Variants in CLIP1 observed in about 807,000 individuals in gnomAD.
The protein encoded by CLIP1 is CAP-Gly domain containing linker protein 1.
In CLIP1, 66 loss-of-function variants were observed where a neutral mutation model predicts 161.6. The observed-to-expected ratio is 0.41, with a 90% confidence interval of 0.33 to 0.50. The LOEUF is 0.50. Ranked by LOEUF, CLIP1 falls within the 20% of genes least tolerant of loss-of-function variation. The pLI is 0.27. For missense variants in CLIP1, 1,376 were observed against 1,702.0 expected, an observed-to-expected ratio of 0.81 and a Z score of 3.37; for synonymous variants, 598 against 626.2, an observed-to-expected ratio of 0.96 and a Z score of 0.67.
chr12:122,319,401 T>C, intron 17 of CLIP1, 53 bp from the exon 18 acceptor site: 2 of 1,358,556 alleles, frequency 1.5e-6, no homozygotes, highest in Non-Finnish European at 2.1e-6. Flanking sequence ...CCAACACCGT[T>C]AGGTGAGGAT....
intron 20 of CLIP1, among the ~76,000 whole-genome samples, chr12:122,305,354 C>T (rs1950826654): frequency 6.6e-6 from 1 of 152,132 alleles, no homozygotes; most frequent in African/African-American, 2.4e-5. Context: ...TCCCTTGAGC[C>T]CAGGAGGTTG....
intron 10 of CLIP1, 27 bp from the exon 11 acceptor site, chr12:122,341,724 A>C (rs1436465018): frequency 8.2e-7 from 1 of 1,225,658 alleles, no homozygotes; most frequent in Non-Finnish European, 1.1e-6. Context: ...AAAGAAAAAA[A>C]GATCATTTAA....
intron 17 of CLIP1, among the ~76,000 whole-genome samples, chr12:122,319,935 T>C (rs957371189): frequency 2.6e-5 from 4 of 152,122 alleles, no homozygotes; most frequent in Non-Finnish European, 4.4e-5. Flanking sequence ...AAAAGATGCA[T>C]ATGGAGACAA....
In CLIP1 at chr12:122,309,835, G is replaced by T; in HGVS notation, c.3521C>A (p.Ala1174Glu). ...AAAQKSQQLSALQEENVKLAE... is the reference protein window; with the variant it reads ...AAAQKSQQLSELQEENVKLAE... ...AAGTTTAACGTTCTCTTCTTGCAAC[G>T]CTGAAAGCTGCTGGGACTTCTGAGC... The change falls in exon 20 of 26, where the codon GCG becomes GAG. Residue 1174 changes from alanine (A) to glutamate (E), a missense_variant. Physicochemically the swap from Ala to Glu is moderately radical, Grantham distance 107. Coordinates refer to ENST00000620786, the MANE Select transcript of CLIP1 (RefSeq NM_001247997.2). The T allele has an allele frequency of 6.2e-7, 1 of 1,613,892 alleles. No individual in the cohort carries two copies. Among genetic ancestry groups the T allele is most frequent in the South Asian group, 1.1e-5 (1 of 91,070 alleles).
chr12:122,294,079 A>G (rs1025534815), intron 20 of CLIP1, among the ~76,000 whole-genome samples: 1 of 151,870 alleles, frequency 6.6e-6, no homozygotes, highest in Non-Finnish European at 1.5e-5. Flanking sequence ...CTGTAATCCC[A>G]GCACTTTGGG....
intron 1 of CLIP1, among the ~76,000 whole-genome samples, chr12:122,392,883 G>C (rs1482874344): frequency 6.6e-6 from 1 of 152,028 alleles, no homozygotes; most frequent in Non-Finnish European, 1.5e-5. Flanking sequence ...CCAGGCTCAA[G>C]CAATCCTCCT....
chr12:122,328,077 T>C lies in CLIP1; in HGVS notation c.3119A>G (p.His1040Arg), dbSNP rs1951776633. Residue 1040 changes from histidine (H) to arginine (R), a missense_variant, in exon 17 of 26, where the codon CAT (histidine) becomes CGT (arginine). By Grantham distance (29) the His-to-Arg change is conservative. This residue lies in a region of CLIP1 where 948 missense variants were observed against 1,134.8 expected (regional missense o/e 0.84). Transcript: ENST00000620786. ...ERATSETKTK[H>R]EEILQNLQKT... is the part of the protein sequence containing the mutation. ...CTGGAGGTTCTGTAGGATTTCTTCA[T>C]GCTTGGTTTTTGTCTCAGAAGTGGC... 6.2e-7 allele frequency: 1 copy of C among 1,614,158 alleles called. No homozygotes were observed. Among genetic ancestry groups the C allele is most frequent in the South Asian group, 1.1e-5 (1 of 91,084 alleles).
intron 19 of CLIP1, among the ~76,000 whole-genome samples, chr12:122,310,617 T>G (rs1951028714): frequency 6.6e-6 from 1 of 152,332 alleles, no homozygotes; most frequent in East Asian, 1.9e-4. Flanking sequence ...GTTCTTAAAA[T>G]AATCCAAAAC....
At chr12:122,397,932 G>A (rs1429450067) in intron 1 of CLIP1, among the ~76,000 whole-genome samples, 1 of 150,936 alleles carries the variant, frequency 6.6e-6, no homozygotes, top group Non-Finnish European at 1.5e-5. Context: ...TCCAGCCTGG[G>A]CAACAGAGTG....
chr12:122,297,335 G>A (rs1950514241), intron 20 of CLIP1, among the ~76,000 whole-genome samples: 1 of 152,066 alleles, frequency 6.6e-6, no homozygotes, highest in Non-Finnish European at 1.5e-5. Context: ...AAAACCACTT[G>A]AACAAAAAAT....
At chr12:122,341,780 T>C (rs1952519575) in intron 10 of CLIP1, 83 bp from the exon 11 acceptor site, 36 of 725,330 alleles carry the variant, frequency 5.0e-5, no homozygotes, top group African/African-American at 1.2e-4. Flanking sequence ...TTTTTTTTTT[T>C]TTTTTTTTTT....
intron 1 of CLIP1, chr12:122,400,341 CAAAA>C (rs539813745): frequency 7.1e-6 from 1 of 141,054 alleles, no homozygotes; most frequent in African/African-American, 2.6e-5. Flanking sequence ...GAAAAGTAAC[CAAAA>C]AAAAAAAAAT....
chr12:122,372,059 A>G (rs894092127), intron 3 of CLIP1, among the ~76,000 whole-genome samples: 1 of 152,086 alleles, frequency 6.6e-6, no homozygotes, highest in Admixed American at 6.5e-5. Flanking sequence ...AGGTGGGCGG[A>G]TCACTTGAGG....
rs969911120 is a variant in CLIP1 at position 122,279,350 on chromosome 12, T to C, written c.3648-205A>G. On this transcript the variant is annotated intron_variant, in intron 21 of 25. Coordinates refer to ENST00000620786, the MANE Select transcript of CLIP1 (RefSeq NM_001247997.2). This position sits in a 1 kb window ranked among gnomAD's most constrained non-coding sequence, Gnocchi z 4.5. ...TGTGAGGGGAGAAAAAGTTTACCTA[T>C]GCATAGACATGCCAGAGTCTGCATG... 6 of 350,638 alleles carry C rather than the reference T, an allele frequency of 1.7e-5. No homozygotes were observed. In the East Asian group the frequency reaches 2.9e-4, roughly 17 times the overall value. 21.7% of individuals were successfully genotyped at this position (350,638 alleles called of 1,614,324 possible). A position where few individuals can be genotyped will look rare whatever the true frequency, so the allele number is the denominator to read the frequency against.
Position 122,286,301 on chromosome 12 carries a change from G to A in CLIP1, c.3647+2188C>T, listed in dbSNP as rs191893337. ...TGGGAGGCTGAGGCAAGTGGATCAC[G>A]AGGTCAGGAGTTAGAGACAAGCCTG... On this transcript the variant is annotated intron_variant, in intron 21 of 25. Transcript: ENST00000620786. Among the ~76,000 whole-genome samples the A allele has an allele frequency of 2.0e-3, 309 of 151,848 alleles. 1 individual carries two copies. The highest frequency in any genetic ancestry group is 7.0e-3 in the African/African-American group (291 of 41,422).
chr12:122,333,164 A>G, intron 14 of CLIP1, 21 bp from the exon 15 acceptor site: 3 of 1,584,490 alleles, frequency 1.9e-6, no homozygotes, highest in Non-Finnish European at 2.6e-6. Flanking sequence ...AGAGAAAAAA[A>G]GAATAGCACG....
chr12:122,419,615 T>G (rs547442434), intron 1 of CLIP1, among the ~76,000 whole-genome samples: 1 of 151,942 alleles, frequency 6.6e-6, no homozygotes, highest in African/African-American at 2.4e-5. Flanking sequence ...ATCCACTGGC[T>G]TTCGAATCCC....
In CLIP1 at chr12:122,380,481, T is replaced by C. The variant is rs969160542; in HGVS notation, c.-29A>G. 30 of 1,473,360 alleles carry C rather than the reference T, an allele frequency of 2.0e-5. No individual in the cohort carries two copies. In the African/African-American group the frequency reaches 2.5e-4, roughly 12 times the overall value. 91.3% of individuals were successfully genotyped at this position (1,473,360 alleles called of 1,614,324 possible). ...CTTTGTATGTCAGAGCTGTTTCTCCTTTGCCTGTTGCCACTATCTTTCCCC... is the reference window on the plus strand; with the variant it reads ...CTTTGTATGTCAGAGCTGTTTCTCCCTTGCCTGTTGCCACTATCTTTCCCC... On this transcript the variant is annotated 5_prime_UTR_variant, in exon 2 of 26. Transcript: ENST00000620786.
At chr12:122,274,343 A>G (rs1955304611) in intron 24 of CLIP1, 181 bp from the exon 25 acceptor site, 1 of 533,972 alleles carries the variant, frequency 1.9e-6, no homozygotes, top group Non-Finnish European at 3.4e-6. Context: ...AGATTGTGTG[A>G]GTAAAGAGCT....
Sources: allele counts gnomAD v4.1 joint callset (sites outside exome capture counted in the v4.1 genomes callset), GRCh38; gene constraint gnomAD v4.1.1; regional missense constraint gnomAD v4.1.1; non-coding constraint Gnocchi (gnomAD v3.1); transcripts MANE v1.5; gene names NCBI Gene and HGNC (gene_info 2026-07-23, HGNC 2026-07-21).